NFASC: variants seen among roughly 807,000 people sequenced by gnomAD.
The protein encoded by NFASC is neurofascin homolog.
A neutral mutation model predicts 147.5 loss-of-function variants in NFASC; 43 were observed. The observed-to-expected ratio is 0.29, with a 90% CI of 0.23 to 0.38. The LOEUF (loss-of-function observed/expected upper bound fraction) is 0.38. Among genes scored for constraint, NFASC ranks in the 10% least tolerant of loss-of-function variants. NFASC has a pLI of 1.00. For synonymous variants in NFASC, 622 were observed against 665.5 expected, an observed-to-expected ratio of 0.93 and a Z score of 1.01; for missense variants, 1,320 against 1,689.0, an observed-to-expected ratio of 0.78 and a Z score of 3.83.
At chr1:204,933,945 C>G (rs1573291661) in intron 2 of NFASC, among the ~76,000 whole-genome samples, 3 of 151,982 alleles carry the variant, frequency 2.0e-5, no homozygotes, top group Non-Finnish European at 4.4e-5. Flanking sequence ...CGAGGCCAGC[C>G]TGGCCAACAT....
At chr1:205,014,275 G>C (rs7515458) in intron 29 of NFASC, among the ~76,000 whole-genome samples, 24,469 of 152,210 alleles carry the variant, frequency 0.16, 2,054 homozygotes, top group South Asian at 0.28. Context: ...GAGCATGCCT[G>C]GGCCTGCACC....
intron 10 of NFASC, 124 bp downstream of exon 10, chr1:204,969,106 C>T: frequency 1.2e-6 from 1 of 810,296 alleles, no homozygotes; most frequent in East Asian, 2.7e-5. Context: ...TGCTCAGTGG[C>T]AATGGCGATC....
At chr1:204,963,953 A>G (rs1169245657) in intron 8 of NFASC, among the ~76,000 whole-genome samples, 9 of 152,082 alleles carry the variant, frequency 5.9e-5, no homozygotes, top group Non-Finnish European at 1.2e-4. Context: ...TGTTTTAGTG[A>G]TTTCTAGAGT....
At chr1:205,006,842 T>C (rs1325328433) in intron 27 of NFASC, among the ~76,000 whole-genome samples, 1 of 152,106 alleles carries the variant, frequency 6.6e-6, no homozygotes, top group Non-Finnish European at 1.5e-5. Context: ...GCAGGTTGAA[T>C]TTCAAGCGCA....
chr1:204,899,694 G>A (rs933089148), intron 1 of NFASC, among the ~76,000 whole-genome samples: 1 of 152,198 alleles, frequency 6.6e-6, no homozygotes, highest in Non-Finnish European at 1.5e-5. Flanking sequence ...AAGGGATGTT[G>A]GATTCATTAG....
intron 1 of NFASC, among the ~76,000 whole-genome samples, chr1:204,901,582 G>C (rs1278400326): frequency 6.6e-6 from 1 of 152,170 alleles, no homozygotes; most frequent in Non-Finnish European, 1.5e-5. Flanking sequence ...ATCTTGATTG[G>C]AATGGATTTA....
At chr1:204,985,569 G>A (rs190379815) in intron 21 of NFASC, among the ~76,000 whole-genome samples, 96 of 152,186 alleles carry the variant, frequency 6.3e-4, no homozygotes, top group South Asian at 2.9e-3. Flanking sequence ...GTTCTGGCAC[G>A]GACTCCCTGA....
At position 205,016,324 on chromosome 1, in the gene NFASC, C is replaced by A; in HGVS notation, c.3508C>A (p.Pro1170Thr). 1 of 1,613,092 alleles carries A rather than the reference C, an allele frequency of 6.2e-7. No individual in the cohort carries two copies. The highest frequency in any genetic ancestry group is 8.5e-7 in the Non-Finnish European group (1 of 1,179,124). ...TTTGGCCAGTGATGAGGACAACAAGCCCCTGCAGGGCAGTCAGACATCTCT... is the reference window on the plus strand; with the variant it reads ...TTTGGCCAGTGATGAGGACAACAAGACCCTGCAGGGCAGTCAGACATCTCT... ...SFDYSDEDNK[P>T]LQGSQTSLDG... Residue 1170 changes from proline (P) to threonine (T), a missense_variant, in exon 30 of 30, where the codon CCC (proline) becomes ACC (threonine). Pro to Thr is a conservative substitution (Grantham distance 38). Transcript: ENST00000339876. This position sits in a 1 kb window ranked among gnomAD's most constrained non-coding sequence, Gnocchi z 5.1.
chr1:204,987,672 G>C lies in NFASC; in HGVS notation c.2593+132G>C. 2 of 998,532 alleles carry C rather than the reference G, an allele frequency of 2.0e-6. No individual in the cohort carries two copies. The highest frequency in any genetic ancestry group is 3.0e-6 in the Non-Finnish European group (2 of 658,130). The allele number at this position is 998,532 out of a possible 1,614,324, so 61.9% of individuals were successfully genotyped here. ...ATTGTGGAGGGATGGAGGGGCCAAC[G>C]AAACAGTTCCCAATAGGATTAGGGG... is the stretch of plus-strand genomic sequence containing the variant. On this transcript the variant is annotated intron_variant, in intron 22 of 29. Transcript: ENST00000339876. The surrounding 1 kb of genome is among the most constrained non-coding windows in gnomAD (Gnocchi z 4.4).
At chr1:204,867,409 C>CCACACACACACA (rs34586429) in intron 1 of NFASC, among the ~76,000 whole-genome samples, 223 of 146,912 alleles carry the variant, frequency 1.5e-3, no homozygotes, top group African/African-American at 5.0e-3. Flanking sequence ...TCAGAACTCA[C>CCACACACACACA]CACACACACA....
intron 1 of NFASC, among the ~76,000 whole-genome samples, chr1:204,863,254 G>A (rs1335143464): frequency 6.6e-6 from 1 of 152,204 alleles, no homozygotes; most frequent in Non-Finnish European, 1.5e-5. Flanking sequence ...TCCGGAGTTT[G>A]AAGAATATCG....
chr1:204,926,538 T>C (rs1266326525), intron 2 of NFASC, among the ~76,000 whole-genome samples: 3 of 149,318 alleles, frequency 2.0e-5, no homozygotes, highest in African/African-American at 4.9e-5. Flanking sequence ...CTCAGCCTCT[T>C]GAGTAGCTGG....
At chr1:204,969,285 C>A (rs2095119234) in intron 10 of NFASC, among the ~76,000 whole-genome samples, 1 of 152,206 alleles carries the variant, frequency 6.6e-6, no homozygotes, top group Admixed American at 6.5e-5. Context: ...ATTCCCAGAG[C>A]CTTTTTTTCC....
chr1:204,950,543 G>T lies in NFASC; in HGVS notation c.92-14G>T, dbSNP rs182943191. 1 of 1,611,402 alleles carries T rather than the reference G, an allele frequency of 6.2e-7. No homozygotes were observed. Among genetic ancestry groups the T allele is most frequent in the African/African-American group, 1.3e-5 (1 of 74,872 alleles). ...TTTTCTCCCTCTCCAATGCTAACCC[G>T]TCGGAACTAACAGCAAGCATTCAGA... On this transcript the variant is annotated splice_polypyrimidine_tract_variant and intron_variant, in intron 3 of 29. Transcript: ENST00000339876.
At chr1:205,011,885 C>T (rs1051968149) in intron 28 of NFASC, among the ~76,000 whole-genome samples, 3 of 152,174 alleles carry the variant, frequency 2.0e-5, no homozygotes, top group Admixed American at 2.0e-4. Flanking sequence ...TCAAGACCAG[C>T]CTGGCCAACA....
chr1:204,913,390 A>C (rs1347315418), intron 1 of NFASC, among the ~76,000 whole-genome samples: 7 of 152,164 alleles, frequency 4.6e-5, no homozygotes, highest in Non-Finnish European at 1.5e-5. Flanking sequence ...AAGCAGAAAA[A>C]ATTTTTTAAA....
chr1:204,939,339 G>A (rs772412278), intron 2 of NFASC, among the ~76,000 whole-genome samples: 3 of 151,974 alleles, frequency 2.0e-5, no homozygotes, highest in Non-Finnish European at 4.4e-5. Context: ...TTTCACTAAT[G>A]GTATTGTGGC....
chr1:204,872,543 C>T (rs1459340474), intron 1 of NFASC, among the ~76,000 whole-genome samples: 2 of 152,148 alleles, frequency 1.3e-5, no homozygotes, highest in East Asian at 1.9e-4. Context: ...CGCAGTCAGC[C>T]GGCTGGGCAC....
rs1440647257 is a variant in NFASC, at chr1:204,858,929, G to A, written c.-200+30147G>A. 4.0e-5 allele frequency among the ~76,000 whole-genome samples: 6 copies of A among 151,706 alleles called. No individual in the cohort carries two copies. The East Asian group carries it at 7.7e-4, about 20-fold the overall frequency. ...CGGGGCACTCCTTTATCTCACAGCC[G>A]GTTTTACCACCCGTCTCTTGCCCTC... is the stretch of plus-strand genomic sequence containing the variant. On this transcript the variant is annotated intron_variant, in intron 1 of 29. Transcript: ENST00000339876.
Sources: gnomAD v4.1 joint callset for allele counts (sites outside exome capture counted in the v4.1 genomes callset) on GRCh38, gnomAD v4.1.1 for gene constraint, Gnocchi (gnomAD v3.1) non-coding constraint, MANE v1.5 for transcripts, NCBI Gene and HGNC (gene_info 2026-07-23, HGNC 2026-07-21) for gene names.